Variants in PACC1 observed in about 807,000 individuals in gnomAD.
PACC1 encodes the protein proton-activated chloride channel.
In PACC1, 34 loss-of-function variants were observed where a neutral mutation model predicts 39.7. That is an observed-to-expected ratio of 0.86 (90% CI 0.65 to 1.14). The LOEUF is 1.14. PACC1 is among the 50% of genes most tolerant of loss of function. The pLI is 0.00. For synonymous variants in PACC1, 127 were observed against 160.6 expected (o/e 0.79, Z 1.58); for missense variants, 379 against 436.4 (o/e 0.87, Z 1.17).
intron 7 of PACC1, among the ~76,000 whole-genome samples, chr1:212,374,506 T>C (rs1302401704): frequency 6.6e-6 from 1 of 152,148 alleles, no homozygotes; most frequent in Non-Finnish European, 1.5e-5. Context: ...AGAGCAATTA[T>C]AGTTAACAAG....
chr1:212,381,724 CACACAG>C (rs1267249867), intron 4 of PACC1, among the ~76,000 whole-genome samples: 1 of 147,404 alleles, frequency 6.8e-6, no homozygotes, highest in African/African-American at 2.6e-5. Context: ...CACACACACA[CACACAG>C]CCCACATGGA....
rs896165056 is a variant in PACC1, at chr1:212,414,831, G to A, written c.-74C>T. The A allele has an allele frequency of 6.3e-6, 10 of 1,580,030 alleles. No individual in the cohort carries two copies. The highest frequency in any genetic ancestry group is 5.4e-5 in the African/African-American group (4 of 74,128). Reference sequence around the variant, plus strand: ...GCACGGACGCAGCACTGCGGCCGCTGCACCTGGACCTACCGGCTCCGCGAG... The same window carrying A: ...GCACGGACGCAGCACTGCGGCCGCTACACCTGGACCTACCGGCTCCGCGAG... On this transcript the variant is annotated 5_prime_UTR_variant, in exon 1 of 8. Transcript: ENST00000261455.
At chr1:212,372,774 A>T (rs181996131) in intron 7 of PACC1, among the ~76,000 whole-genome samples, 1 of 152,314 alleles carries the variant, frequency 6.6e-6, no homozygotes, top group East Asian at 1.9e-4. Flanking sequence ...TAGCTATAAA[A>T]ATATAAAATA....
chr1:212,394,715 G>T (rs1184590175), intron 2 of PACC1, among the ~76,000 whole-genome samples: 1 of 152,176 alleles, frequency 6.6e-6, no homozygotes, highest in Non-Finnish European at 1.5e-5. Flanking sequence ...ATCTCCTTAA[G>T]CTGATAAGCA....
intron 5 of PACC1, among the ~76,000 whole-genome samples, chr1:212,378,793 C>G (rs565102183): frequency 3.3e-4 from 51 of 152,280 alleles, no homozygotes; most frequent in Non-Finnish European, 5.9e-4. Flanking sequence ...GCTGGGTCCA[C>G]TCACGTGCGG....
At chr1:212,385,205 A>G in intron 4 of PACC1, 69 bp downstream of exon 4, 1 of 1,587,678 alleles carries the variant, frequency 6.3e-7, no homozygotes, top group Admixed American at 1.7e-5. Context: ...GAAAAAGGAA[A>G]CTTGGGGCCT....
intron 2 of PACC1, among the ~76,000 whole-genome samples, chr1:212,409,889 C>T (rs1662058871): frequency 2.0e-5 from 3 of 152,084 alleles, no homozygotes; most frequent in African/African-American, 7.2e-5. Flanking sequence ...GGAGAGTGAC[C>T]GCAATGGAGC....
chr1:212,412,461 A>C (rs947039464), intron 1 of PACC1, among the ~76,000 whole-genome samples: 12 of 151,870 alleles, frequency 7.9e-5, no homozygotes, highest in African/African-American at 2.9e-4. Context: ...ATCCCCCCTC[A>C]GCAAATAAAC....
chr1:212,382,000 C>T (rs1190997567), intron 4 of PACC1, among the ~76,000 whole-genome samples: 1 of 151,842 alleles, frequency 6.6e-6, no homozygotes, highest in Admixed American at 6.6e-5. Context: ...TTAGCCTATA[C>T]TCTGACTAAT....
At chr1:212,402,258 T>G (rs751871011) in intron 2 of PACC1, among the ~76,000 whole-genome samples, 12 of 152,248 alleles carry the variant, frequency 7.9e-5, no homozygotes, top group Non-Finnish European at 1.5e-4. Context: ...CCACAGCAGC[T>G]GCACCATTTT....
At position 212,410,748 on chromosome 1, in the gene PACC1, G is replaced by A. The variant is rs1302210273; in HGVS notation, c.37-227C>T. On this transcript the variant is annotated intron_variant, in intron 1 of 7. Transcript: ENST00000261455. ...ACTACTGTAGCAAGTACCACAAACC[G>A]AACAGCTTAAAACAACGGAAATGTC... is the stretch of plus-strand genomic sequence containing the variant. 3.9e-5 allele frequency among the ~76,000 whole-genome samples: 6 copies of A among 152,268 alleles called. No individual in the cohort carries two copies. The East Asian group carries it at 5.8e-4, about 15-fold the overall frequency.
rs537203573 is a variant in PACC1, at chr1:212,406,161, G to C, written c.133+4264C>G. Among the ~76,000 whole-genome samples, 5 of 124,338 alleles carry C rather than the reference G, an allele frequency of 4.0e-5. No individual in the cohort carries two copies. In the South Asian group the frequency reaches 1.4e-3, roughly 36 times the overall value. The allele number at this position is 124,338 out of a possible 152,430, so 81.6% of individuals were successfully genotyped here. On this transcript the variant is annotated intron_variant, in intron 2 of 7. Coordinates refer to ENST00000261455, the MANE Select transcript of PACC1 (RefSeq NM_018252.3). ...AAAGCCCTACACAGGCCTAGTACAT[G>C]AAAGCACCCCCAAAATGGCAACCAC...
chr1:212,374,859 A>G (rs1469344558), intron 7 of PACC1, among the ~76,000 whole-genome samples: 1 of 152,218 alleles, frequency 6.6e-6, no homozygotes, highest in Non-Finnish European at 1.5e-5. Flanking sequence ...TTCAACGAAC[A>G]TTACTACTAA....
At chr1:212,370,331 T>C (rs1571627522) in intron 7 of PACC1, among the ~76,000 whole-genome samples, 2 of 152,274 alleles carry the variant, frequency 1.3e-5, no homozygotes, top group Admixed American at 1.3e-4. Flanking sequence ...TAGCCGGGCC[T>C]GGTGGCAGGC....
chr1:212,409,281 G>A (rs990283417), intron 2 of PACC1, among the ~76,000 whole-genome samples: 2 of 152,130 alleles, frequency 1.3e-5, no homozygotes, highest in African/African-American at 4.8e-5. Flanking sequence ...AAGGAGAGGC[G>A]CGTGGACTAT....
chr1:212,386,455 C>T lies in PACC1; in HGVS notation c.343+436G>A, dbSNP rs971627696. ...CTCGCCTCCCCTGCCATCCTCCCCACCCCACAGTCCAGCCTTGACTCCTGC... is the reference window on the plus strand; with the variant it reads ...CTCGCCTCCCCTGCCATCCTCCCCATCCCACAGTCCAGCCTTGACTCCTGC... On this transcript the variant is annotated intron_variant, in intron 3 of 7. Coordinates refer to ENST00000261455, the MANE Select transcript of PACC1 (RefSeq NM_018252.3). This position sits in a 1 kb window ranked among gnomAD's most constrained non-coding sequence, Gnocchi z 5.0. 6.6e-6 allele frequency among the ~76,000 whole-genome samples: 1 copy of T among 152,110 alleles called. No homozygotes were observed. Among genetic ancestry groups the T allele is most frequent in the African/African-American group, 2.4e-5 (1 of 41,408 alleles).
intron 7 of PACC1, among the ~76,000 whole-genome samples, chr1:212,367,187 T>C (rs753943364): frequency 3.3e-5 from 5 of 152,060 alleles, no homozygotes; most frequent in African/African-American, 7.2e-5. Flanking sequence ...CAGCTATCCA[T>C]GTAAGAAAGT....
At chr1:212,372,171 G>A (rs1660482089) in intron 7 of PACC1, among the ~76,000 whole-genome samples, 1 of 151,870 alleles carries the variant, frequency 6.6e-6, no homozygotes, top group Admixed American at 6.6e-5. Context: ...TGTAATCCCA[G>A]CTACTCAGGA....
chr1:212,390,783 C>T (rs1661288735), intron 2 of PACC1, among the ~76,000 whole-genome samples: 1 of 152,232 alleles, frequency 6.6e-6, no homozygotes, highest in Admixed American at 6.5e-5. Flanking sequence ...AATGGCACAC[C>T]AGGAGATTAT....
Sources: allele counts gnomAD v4.1 joint callset (sites outside exome capture counted in the v4.1 genomes callset), GRCh38; gene constraint gnomAD v4.1.1; non-coding constraint Gnocchi (gnomAD v3.1); transcripts MANE v1.5; gene names NCBI Gene and HGNC (gene_info 2026-07-23, HGNC 2026-07-21).